KATNIP: variants seen among roughly 807,000 people sequenced by gnomAD.
The protein encoded by KATNIP is katanin interacting protein.
Under a neutral mutation model 174.0 loss-of-function variants are expected in KATNIP, and 126 were observed. The observed-to-expected ratio is 0.72, with a 90% CI of 0.63 to 0.84. The LOEUF is 0.84. Ranked by LOEUF, KATNIP falls within the 40% of genes least tolerant of loss-of-function variation. The pLI is 0.00. For synonymous variants in KATNIP, 810 were observed against 835.7 expected (o/e 0.97, Z 0.53); for missense variants, 1,958 against 2,109.7 (o/e 0.93, Z 1.41).
intron 2 of KATNIP, among the ~76,000 whole-genome samples, chr16:27,616,635 G>C (rs1215165462): frequency 2.0e-5 from 3 of 151,680 alleles, no homozygotes; most frequent in African/African-American, 7.3e-5. Flanking sequence ...TCTGAGGCAG[G>C]AGAATCGCTT....
chr16:27,734,556 G>A (rs776473199), intron 14 of KATNIP, among the ~76,000 whole-genome samples: 15 of 152,140 alleles, frequency 9.9e-5, no homozygotes, highest in East Asian at 9.7e-4. Context: ...AAAAATAGCC[G>A]GGCGTAGTGG....
intron 2 of KATNIP, among the ~76,000 whole-genome samples, chr16:27,600,757 TTTAATC>T (rs1172966916): frequency 6.6e-6 from 1 of 151,492 alleles, no homozygotes; most frequent in East Asian, 1.9e-4. Flanking sequence ...TAGACGGAGT[TTTAATC>T]TTGTTTCCCA....
At chr16:27,668,792 GC>G (rs1035502984) in intron 6 of KATNIP, among the ~76,000 whole-genome samples, 2 of 152,176 alleles carry the variant, frequency 1.3e-5, no homozygotes, top group Non-Finnish European at 2.9e-5. Flanking sequence ...GATTGCTTGA[GC>G]CCAAGAGTTT....
intron 11 of KATNIP, 121 bp downstream of exon 11, chr16:27,701,816 A>G (rs2079110465): frequency 2.9e-6 from 2 of 695,276 alleles, no homozygotes; most frequent in East Asian, 2.8e-5. Flanking sequence ...TTTCTTTAAG[A>G]TGGAATCTTG....
intron 6 of KATNIP, among the ~76,000 whole-genome samples, chr16:27,661,971 T>C (rs1392841499): frequency 1.4e-5 from 1 of 72,272 alleles, no homozygotes; most frequent in African/African-American, 7.5e-5. Context: ...TACATATATA[T>C]ATATATATAT....
chr16:27,564,382 G>A (rs1485143383), intron 1 of KATNIP, among the ~76,000 whole-genome samples: 5 of 152,188 alleles, frequency 3.3e-5, no homozygotes, highest in Admixed American at 1.3e-4. Flanking sequence ...CCTCTCAGCC[G>A]CCACACAGCA....
intron 2 of KATNIP, among the ~76,000 whole-genome samples, chr16:27,594,301 G>C (rs1430343058): frequency 6.6e-6 from 1 of 151,956 alleles, no homozygotes; most frequent in African/African-American, 2.4e-5. Flanking sequence ...TCTGTCTGAT[G>C]CTGAAGCTCA....
At chr16:27,708,040 T>G (rs1333202325) in intron 12 of KATNIP, among the ~76,000 whole-genome samples, 1 of 151,684 alleles carries the variant, frequency 6.6e-6, no homozygotes, top group Non-Finnish European at 1.5e-5. Flanking sequence ...TTTTTTTTTT[T>G]GAGACTGGGT....
intron 8 of KATNIP, among the ~76,000 whole-genome samples, chr16:27,693,515 A>G (rs550841437): frequency 1.3e-5 from 2 of 152,168 alleles, no homozygotes; most frequent in African/African-American, 4.8e-5. Context: ...CAGCCTCCCA[A>G]GTAGCTGGGA....
chr16:27,596,630 C>T (rs1271199699), intron 2 of KATNIP, among the ~76,000 whole-genome samples: 1 of 152,130 alleles, frequency 6.6e-6, no homozygotes, highest in Non-Finnish European at 1.5e-5. Flanking sequence ...GAAATGGTAG[C>T]TCACACTGTT....
At chr16:27,765,743 C>T (rs558221768) in intron 19 of KATNIP, among the ~76,000 whole-genome samples, 1 of 152,368 alleles carries the variant, frequency 6.6e-6, no homozygotes, top group African/African-American at 2.4e-5. Context: ...CACACTCTCT[C>T]CTGGTCCTTG....
intron 2 of KATNIP, among the ~76,000 whole-genome samples, chr16:27,617,354 G>T (rs920326663): frequency 6.6e-6 from 1 of 152,086 alleles, no homozygotes; most frequent in Non-Finnish European, 1.5e-5. Context: ...CTTCTCATTG[G>T]CACAGCATTC....
chr16:27,648,724 G>T lies in KATNIP; in HGVS notation c.529G>T (p.Asp177Tyr). The T allele has an allele frequency of 6.2e-7, 1 of 1,613,798 alleles. No individual in the cohort carries two copies. Among genetic ancestry groups the T allele is most frequent in the South Asian group, 1.1e-5 (1 of 91,028 alleles). ...TCTCCAGGCAAACAACACTTCTGAG[G>T]ATCGTCCGCAGGTAGGGATGGCCTT... ...VTLQANNTSE[D>Y]RPQELRRSLE... The change falls in exon 6 of 28, where the codon GAT (aspartate) becomes TAT (tyrosine). Residue 177 changes from aspartate (D) to tyrosine (Y), a missense_variant. Asp to Tyr is a radical substitution (Grantham distance 160, BLOSUM62 -3). Around this residue, in one of 3 missense-constraint regions of KATNIP, gnomAD observed 1,557 missense variants for 1,617.8 expected, o/e 0.96. Transcript: ENST00000261588.
Position 27,766,418 on chromosome 16 carries a change from A to G in KATNIP, c.3919A>G (p.Ile1307Val). 3 of 1,614,130 alleles carry G rather than the reference A, an allele frequency of 1.9e-6. No individual in the cohort carries two copies. Among genetic ancestry groups the G allele is most frequent in the East Asian group, 4.5e-5 (2 of 44,888 alleles). Residue 1307 changes from isoleucine to valine, a missense_variant, in exon 20 of 28, where the codon ATC (isoleucine) becomes GTC (valine). By Grantham distance (29) the Ile-to-Val change is conservative. Transcript: ENST00000261588. ...VTIRLDRAES[I>V]AGLRFWNYNK... Reference sequence around the variant, plus strand: ...GATCCGCCTGGACAGGGCCGAAAGCATCGCAGGCCTGCGCTTCTGGAACTA... The same window carrying G: ...GATCCGCCTGGACAGGGCCGAAAGCGTCGCAGGCCTGCGCTTCTGGAACTA...
chr16:27,770,544 T>C (rs557816423), intron 21 of KATNIP, among the ~76,000 whole-genome samples: 2 of 152,326 alleles, frequency 1.3e-5, no homozygotes, highest in African/African-American at 4.8e-5. Flanking sequence ...AAAATGAGTT[T>C]CCCTGCACTG....
At chr16:27,619,414 C>T (rs894367825) in intron 3 of KATNIP, among the ~76,000 whole-genome samples, 2 of 152,142 alleles carry the variant, frequency 1.3e-5, no homozygotes, top group African/African-American at 4.8e-5. Flanking sequence ...GCCCACAGAA[C>T]TGGTGGGGGG....
At chr16:27,565,116 T>C (rs2090034608) in intron 1 of KATNIP, among the ~76,000 whole-genome samples, 1 of 151,788 alleles carries the variant, frequency 6.6e-6, no homozygotes, top group African/African-American at 2.4e-5. Context: ...TCTGTTGTTT[T>C]AGTGGGATGT....
intron 5 of KATNIP, among the ~76,000 whole-genome samples, chr16:27,641,930 T>A (rs868434879): frequency 3.3e-5 from 5 of 152,322 alleles, no homozygotes; most frequent in Non-Finnish European, 5.9e-5. Flanking sequence ...GTCAGGCAGC[T>A]CCTCAGGCCT....
chr16:27,615,674 T>C (rs7499737), intron 2 of KATNIP, among the ~76,000 whole-genome samples: 9,546 of 152,076 alleles, frequency 0.063, 369 homozygotes, highest in Middle Eastern at 0.11. Flanking sequence ...ATCTTAATGA[T>C]TATCATGAGG....
Sources: allele counts gnomAD v4.1 joint callset (sites outside exome capture counted in the v4.1 genomes callset), GRCh38; gene constraint gnomAD v4.1.1; regional missense constraint gnomAD v4.1.1; transcripts MANE v1.5; gene names NCBI Gene and HGNC (gene_info 2026-07-23, HGNC 2026-07-21).